Variants in CRHR2 observed in about 807,000 individuals in gnomAD.
The protein encoded by CRHR2 is corticotropin-releasing hormone receptor 2.
CRHR2 carries 53 observed loss-of-function variants against 57.9 expected under a neutral mutation model. The observed-to-expected ratio is 0.92, with a 90% confidence interval of 0.73 to 1.15. The LOEUF (loss-of-function observed/expected upper bound fraction) is 1.15, where lower values mean the gene tolerates loss of function less well. CRHR2 is among the 50% of genes most tolerant of loss of function. The probability of loss-of-function intolerance (pLI) is 0.00; values close to 1 mark genes in which losing one functional copy is unlikely to be tolerated. For synonymous variants in CRHR2, 213 were observed against 220.9 expected (o/e 0.96, Z 0.32); for missense variants, 532 against 542.6 (o/e 0.98, Z 0.19).
At chr7:30,698,713 C>A (rs1785108775) in intron 1 of CRHR2, among the ~76,000 whole-genome samples, 1 of 152,334 alleles carries the variant, frequency 6.6e-6, no homozygotes, top group Non-Finnish European at 1.5e-5. Flanking sequence ...CAGGGACCCT[C>A]ATGTCCTCAT....
intron 7 of CRHR2, among the ~76,000 whole-genome samples, chr7:30,661,152 T>C (rs1381342405): frequency 6.6e-6 from 1 of 152,164 alleles, no homozygotes; most frequent in Non-Finnish European, 1.5e-5. Flanking sequence ...GTGCACCCAG[T>C]GAGGGGAGCT....
chr7:30,661,434 C>G (rs1046233313), intron 7 of CRHR2, among the ~76,000 whole-genome samples: 1 of 152,178 alleles, frequency 6.6e-6, no homozygotes, highest in African/African-American at 2.4e-5. Context: ...CAGCCCTCTT[C>G]TTGGGCAGCT....
rs1783673863 is a variant in CRHR2 at position 30,653,781 on chromosome 7, C to A, written c.1096-181G>T. 6.6e-6 allele frequency among the ~76,000 whole-genome samples: 1 copy of A among 152,132 alleles called. No individual in the cohort carries two copies. Among genetic ancestry groups the A allele is most frequent in the South Asian group, 2.1e-4 (1 of 4,818 alleles). On this transcript the variant is annotated intron_variant, in intron 11 of 11. Transcript: ENST00000471646. The surrounding 1 kb of genome is among the most constrained non-coding windows in gnomAD (Gnocchi z 5.0). Reference sequence around the variant, plus strand: ...CTCTCTCCAGGGGCCTCTTCCTTATCCTTTTCCTGGAGAAGCTTGACTCCA... The same window carrying A: ...CTCTCTCCAGGGGCCTCTTCCTTATACTTTTCCTGGAGAAGCTTGACTCCA...
intron 2 of CRHR2, among the ~76,000 whole-genome samples, chr7:30,678,153 C>A (rs1784580809): frequency 6.6e-6 from 1 of 152,208 alleles, no homozygotes; most frequent in Non-Finnish European, 1.5e-5. Flanking sequence ...CTAGCCCACT[C>A]AGTGATTCCA....
upstream of CRHR2, among the ~76,000 whole-genome samples, chr7:30,684,461 T>C (rs1238241507): frequency 6.6e-6 from 1 of 152,216 alleles, no homozygotes; most frequent in Non-Finnish European, 1.5e-5. Context: ...CAAGAGGTGG[T>C]GTGCTCCCAA....
chr7:30,667,010 C>A (rs943257553), intron 3 of CRHR2, among the ~76,000 whole-genome samples: 1 of 152,190 alleles, frequency 6.6e-6, no homozygotes, highest in African/African-American at 2.4e-5. Flanking sequence ...CTCTAGCAGC[C>A]CAAGCTCTCT....
At chr7:30,689,904 T>C (rs967606304) in intron 1 of CRHR2, among the ~76,000 whole-genome samples, 3 of 151,870 alleles carry the variant, frequency 2.0e-5, no homozygotes, top group Non-Finnish European at 4.4e-5. Context: ...TTGGGAGAGG[T>C]AGCATTTTGG....
chr7:30,699,535 A>AG (rs1242458558), intron 1 of CRHR2, among the ~76,000 whole-genome samples: 2 of 132,212 alleles, frequency 1.5e-5, no homozygotes, highest in Non-Finnish European at 3.2e-5. Context: ...GGAGAGATGG[A>AG]GGGGGGTCAT....
At chr7:30,695,252 A>C (rs1785034863) in intron 1 of CRHR2, among the ~76,000 whole-genome samples, 1 of 152,042 alleles carries the variant, frequency 6.6e-6, no homozygotes, top group African/African-American at 2.4e-5. Context: ...GAGACTTTAG[A>C]TACTCAGTTC....
chr7:30,667,200 G>A lies in CRHR2; in HGVS notation c.315+28C>T, dbSNP rs776779405. The A allele has an allele frequency of 5.6e-6, 9 of 1,599,026 alleles. No homozygotes were observed. The South Asian group carries it at 9.9e-5, about 18-fold the overall frequency. ...GAGTCCAAATACCTGTGTGAGGCCT[G>A]GGGTCACAGCAGGTGAGGGCCACTC... On this transcript the variant is annotated intron_variant, in intron 3 of 11. Transcript: ENST00000471646.
At chr7:30,675,704 CCTTA>C (rs1278049339) in intron 2 of CRHR2, among the ~76,000 whole-genome samples, 2 of 152,208 alleles carry the variant, frequency 1.3e-5, no homozygotes, top group Non-Finnish European at 1.5e-5. Flanking sequence ...ATTTACTTTC[CCTTA>C]CTCTTGGAAT....
intron 1 of CRHR2, among the ~76,000 whole-genome samples, chr7:30,697,343 G>A (rs994805137): frequency 6.6e-5 from 10 of 152,160 alleles, no homozygotes; most frequent in African/African-American, 2.4e-4. Flanking sequence ...TAGTCAGCAG[G>A]GGCTGAGAGG....
chr7:30,665,657 G>A lies in CRHR2; in HGVS notation c.316-18C>T, dbSNP rs1166457005. On this transcript the variant is annotated intron_variant, in intron 3 of 11. Coordinates refer to ENST00000471646, the MANE Select transcript of CRHR2 (RefSeq NM_001883.5). The surrounding 1 kb of genome is among the most constrained non-coding windows in gnomAD (Gnocchi z 4.5). Reference sequence around the variant, plus strand: ...TTCCTCTGCTGGACAGACAGACATGGGCAGGGCAGATGGAGGCATGGGCAC... The same window carrying A: ...TTCCTCTGCTGGACAGACAGACATGAGCAGGGCAGATGGAGGCATGGGCAC... 1.3e-6 allele frequency: 2 copies of A among 1,551,044 alleles called. No individual in the cohort carries two copies. Among genetic ancestry groups the A allele is most frequent in the Non-Finnish European group, 1.7e-6 (2 of 1,145,826 alleles).
chr7:30,692,070 C>A (rs537195886), intron 1 of CRHR2, among the ~76,000 whole-genome samples: 118 of 152,294 alleles, frequency 7.7e-4, no homozygotes, highest in Middle Eastern at 3.4e-3. Context: ...GTTCTCTGAG[C>A]CTTGATCTCC....
Position 30,680,896 on chromosome 7 carries a change from G to A in CRHR2, c.229+1019C>T, listed in dbSNP as rs933943465. On this transcript the variant is annotated intron_variant, in intron 2 of 11. Transcript: ENST00000471646. ...GGAGCTGGGCTACCAATCAGACACA[G>A]ACACTCTGAGGATGTTTCCAGGATG... is the stretch of plus-strand genomic sequence containing the variant. 2.0e-5 allele frequency among the ~76,000 whole-genome samples: 3 copies of A among 151,530 alleles called. No individual in the cohort carries two copies. In the South Asian group the frequency reaches 6.3e-4, roughly 32 times the overall value.
intron 2 of CRHR2, among the ~76,000 whole-genome samples, chr7:30,667,743 C>A (rs1481845209): frequency 6.6e-6 from 1 of 152,186 alleles, no homozygotes; most frequent in South Asian, 2.1e-4. Flanking sequence ...ATTTATATAG[C>A]ATATGTTTCC....
chr7:30,676,089 G>A (rs1784506783), intron 2 of CRHR2, among the ~76,000 whole-genome samples: 1 of 152,190 alleles, frequency 6.6e-6, no homozygotes, highest in South Asian at 2.1e-4. Flanking sequence ...CAGACTTGCT[G>A]TAGAACTCTG....
chr7:30,689,828 G>A (rs571968265), intron 1 of CRHR2, among the ~76,000 whole-genome samples: 61 of 152,282 alleles, frequency 4.0e-4, no homozygotes, highest in African/African-American at 1.3e-3. Flanking sequence ...CACTTGCAAC[G>A]AAGAGCATTA....
At chr7:30,686,003 C>A (rs1784848534), upstream of CRHR2, among the ~76,000 whole-genome samples, 2 of 152,128 alleles carry the variant, frequency 1.3e-5, no homozygotes, top group African/African-American at 2.4e-5. Flanking sequence ...AACAACATGT[C>A]ATTCCTGGGA....
Sources: allele counts gnomAD v4.1 joint callset (sites outside exome capture counted in the v4.1 genomes callset), GRCh38; gene constraint gnomAD v4.1.1; non-coding constraint Gnocchi (gnomAD v3.1); transcripts MANE v1.5; gene names NCBI Gene and HGNC (gene_info 2026-07-23, HGNC 2026-07-21).